Variants in MYH13 observed in about 807,000 individuals in gnomAD.
MYH13 encodes the protein myosin-13.
Under a neutral mutation model 232.1 loss-of-function variants are expected in MYH13, and 177 were observed. That is an observed-to-expected ratio of 0.76 (90% CI 0.67 to 0.86). MYH13 has a LOEUF of 0.86. MYH13 is among the 40% of genes least tolerant of loss of function. The probability of loss-of-function intolerance (pLI) is 0.00; values close to 1 mark genes in which losing one functional copy is unlikely to be tolerated. For synonymous variants in MYH13, 884 were observed against 923.5 expected (o/e 0.96, Z 0.78); for missense variants, 2,246 against 2,405.9 (o/e 0.93, Z 1.39).
chr17:10,364,769 CCT>C (rs2071820754), intron 2 of MYH13, among the ~76,000 whole-genome samples: 1 of 149,444 alleles, frequency 6.7e-6, no homozygotes, highest in South Asian at 2.1e-4. Flanking sequence ...TTTTTTTTAT[CCT>C]CTGAGTGTCG....
chr17:10,334,810 C>T (rs927629035), intron 18 of MYH13, among the ~76,000 whole-genome samples: 8 of 152,180 alleles, frequency 5.3e-5, no homozygotes, highest in Middle Eastern at 6.8e-3. Flanking sequence ...ACCCAGGAGG[C>T]GGAGGTTGCA....
chr17:10,320,476 C>T lies in MYH13; in HGVS notation c.3132G>A (p.Gln1044=), dbSNP rs35783712. The T allele has an allele frequency of 0.051, 82,044 of 1,612,944 alleles. 2,448 individuals are homozygous for T. Among genetic ancestry groups the T allele is most frequent in the Non-Finnish European group, 0.061 (72,070 of 1,179,458 alleles). The stretch of plus-strand genomic sequence containing the variant: ...CCAAGTCCGCCCGCAGTTTCTTCTC[C>T]TGCTCTAAGGAACCCTCAAGCTGAG... ...QTDDLEGSLE[Q]EKKLRADLER... is the part of the protein sequence containing the mutation. Residue 1044 remains glutamine (Q), a synonymous_variant, in exon 25 of 41, where the codon CAG becomes CAA. Coordinates refer to ENST00000252172, the MANE Select transcript of MYH13 (RefSeq NM_003802.3).
intron 20 of MYH13, 44 bp from the exon 21 acceptor site, chr17:10,330,567 G>A (rs1907377958): frequency 3.8e-6 from 6 of 1,565,822 alleles, no homozygotes; most frequent in Non-Finnish European, 5.2e-6. Context: ...TCCCCAGCAG[G>A]CGTTCAGCCG....
In MYH13 at chr17:10,328,827, G is replaced by A. The variant is rs112199189; in HGVS notation, c.2436-706C>T. Among the ~76,000 whole-genome samples the A allele has an allele frequency of 2.9e-3, 442 of 152,032 alleles. 2 individuals carry two copies. Among genetic ancestry groups the A allele is most frequent in the Middle Eastern group, 0.01 (3 of 294 alleles). On this transcript the variant is annotated intron_variant, in intron 21 of 40. Transcript: ENST00000252172. ...CAAGTAGCTGGGATTACAGGTATGC[G>A]CCACCACGCCTGGCTAATTTTTGTA... is the stretch of plus-strand genomic sequence containing the variant.
intron 8 of MYH13, among the ~76,000 whole-genome samples, chr17:10,356,346 A>T (rs958077126): frequency 6.6e-6 from 1 of 152,226 alleles, no homozygotes; most frequent in African/African-American, 2.4e-5. Context: ...GGGTGGAAAG[A>T]GGACAAAATA....
rs547276632 is a variant in MYH13, at chr17:10,345,765, C to T, written c.1264-149G>A. Reference sequence around the variant, plus strand: ...ATCCCAGCACTTTGGGAGGCCAAGGCGGGCGGATCACGAGGTCAGGAGTTC... The same window carrying T: ...ATCCCAGCACTTTGGGAGGCCAAGGTGGGCGGATCACGAGGTCAGGAGTTC... On this transcript the variant is annotated intron_variant, in intron 13 of 40. Coordinates refer to ENST00000252172, the MANE Select transcript of MYH13 (RefSeq NM_003802.3). 7.0e-4 allele frequency: 949 copies of T among 1,352,362 alleles called. 5 individuals are homozygous for T. Among genetic ancestry groups the T allele is most frequent in the South Asian group, 3.7e-3 (278 of 74,796 alleles). 83.8% of individuals were successfully genotyped at this position (1,352,362 alleles called of 1,614,324 possible). A position where few individuals can be genotyped will look rare whatever the true frequency, so the allele number is the denominator to read the frequency against.
At chr17:10,303,074 G>C (rs896935382) in intron 39 of MYH13, 122 bp downstream of exon 39, 78 of 787,358 alleles carry the variant, frequency 9.9e-5, no homozygotes, top group South Asian at 7.7e-4. Context: ...TGTGTTTATA[G>C]CCTGCAAATA....
At chr17:10,360,823 C>T (rs1329075205) in intron 5 of MYH13, among the ~76,000 whole-genome samples, 1 of 152,070 alleles carries the variant, frequency 6.6e-6, no homozygotes, top group African/African-American at 2.4e-5. Context: ...TCCTTATAAA[C>T]AGAAGAAATT....
intron 2 of MYH13, among the ~76,000 whole-genome samples, chr17:10,366,381 G>GTTTTTTTTTTTTTTTTTTTTTTT (rs56798899): frequency 8.9e-5 from 10 of 112,638 alleles, no homozygotes; most frequent in Non-Finnish European, 1.3e-4. Flanking sequence ...AAATAAATCT[G>GTTTTTTTTTTTTTTTTTTTTTTT]TTTTTTTTTT....
chr17:10,340,432 T>G (rs1478942338), intron 16 of MYH13, 31 bp from the exon 17 acceptor site: 1 of 1,579,668 alleles, frequency 6.3e-7, no homozygotes, highest in Admixed American at 1.7e-5. Context: ...GCGTGTTAGA[T>G]GCATCCCAGA....
At chr17:10,351,220 C>CAAAA (rs761244522) in intron 11 of MYH13, among the ~76,000 whole-genome samples, 25 of 72,728 alleles carry the variant, frequency 3.4e-4, no homozygotes, top group East Asian at 1.0e-3. Flanking sequence ...GACTCCATCT[C>CAAAA]AAAAAAAAAA....
intron 3 of MYH13, among the ~76,000 whole-genome samples, chr17:10,364,016 G>A (rs1394516192): frequency 6.6e-6 from 1 of 152,176 alleles, no homozygotes; most frequent in East Asian, 1.9e-4. Flanking sequence ...GCCCAGAGAG[G>A]TATAATTGGT....
intron 26 of MYH13, among the ~76,000 whole-genome samples, chr17:10,319,382 G>C (rs113178316): frequency 0.13 from 20,157 of 151,806 alleles, 1,605 homozygotes; most frequent in East Asian, 0.31. Flanking sequence ...GGTGGCGGGC[G>C]CCTGTAGTCC....
intron 33 of MYH13, 73 bp from the exon 34 acceptor site, chr17:10,309,903 A>T: frequency 1.6e-6 from 2 of 1,264,250 alleles, no homozygotes; most frequent in Non-Finnish European, 2.1e-6. Flanking sequence ...TCATCCCCAT[A>T]CGATCAAATG....
At position 10,304,864 on chromosome 17, in the gene MYH13, C is replaced by T. The variant is rs1906223220; in HGVS notation, c.5467-1366G>A. Among the ~76,000 whole-genome samples, 1 of 152,164 alleles carries T rather than the reference C, an allele frequency of 6.6e-6. No individual in the cohort carries two copies. Among genetic ancestry groups the T allele is most frequent in the African/African-American group, 2.4e-5 (1 of 41,422 alleles). On this transcript the variant is annotated intron_variant, in intron 37 of 40. Transcript: ENST00000252172. This position sits in a 1 kb window ranked among gnomAD's most constrained non-coding sequence, Gnocchi z 5.3. Reference sequence around the variant, plus strand: ...GGCAGCCACTGAGGACATAAGTCACCAACTGTGGTCCCAACTCCACAATCC... The same window carrying T: ...GGCAGCCACTGAGGACATAAGTCACTAACTGTGGTCCCAACTCCACAATCC...
At position 10,300,880 on chromosome 17, in the gene MYH13, G is replaced by A; in HGVS notation, c.*71C>T. 1 of 1,480,600 alleles carries A rather than the reference G, an allele frequency of 6.8e-7. No homozygotes were observed. The highest frequency in any genetic ancestry group is 9.4e-7 in the Non-Finnish European group (1 of 1,066,640). The allele number at this position is 1,480,600 out of a possible 1,614,324, so 91.7% of individuals were successfully genotyped here. On this transcript the variant is annotated 3_prime_UTR_variant, in exon 41 of 41. Coordinates refer to ENST00000252172, the MANE Select transcript of MYH13 (RefSeq NM_003802.3). ...GAGCCGGGAATCCGAGTATTTAGGA[G>A]AATTTATTTCTCACACATTTTCCCT...
chr17:10,307,595 C>A (rs1300230803), intron 35 of MYH13, among the ~76,000 whole-genome samples: 2 of 151,952 alleles, frequency 1.3e-5, no homozygotes, highest in East Asian at 3.9e-4. Context: ...AAATGTTCCA[C>A]CTCATTAGCA....
chr17:10,357,029 C>G (rs117173938), intron 8 of MYH13, among the ~76,000 whole-genome samples: 4 of 152,046 alleles, frequency 2.6e-5, no homozygotes, highest in African/African-American at 9.7e-5. Flanking sequence ...GTTGCAACTT[C>G]GGCTCCCTGC....
chr17:10,322,045 C>T (rs1906958902), intron 23 of MYH13, among the ~76,000 whole-genome samples: 1 of 152,080 alleles, frequency 6.6e-6, no homozygotes, highest in Admixed American at 6.5e-5. Context: ...GTTAGGTTGG[C>T]TGAATAGGGT....
Sources: allele counts gnomAD v4.1 joint callset (sites outside exome capture counted in the v4.1 genomes callset), GRCh38; gene constraint gnomAD v4.1.1; non-coding constraint Gnocchi (gnomAD v3.1); transcripts MANE v1.5; gene names NCBI Gene and HGNC (gene_info 2026-07-23, HGNC 2026-07-21).